HKDC1: variants seen among roughly 807,000 people sequenced by gnomAD.
HKDC1 encodes the protein hexokinase domain containing 1.
A neutral mutation model predicts 96.6 loss-of-function variants in HKDC1; 66 were observed. That is an observed-to-expected ratio of 0.68 (90% CI 0.56 to 0.84). The LOEUF is 0.84. HKDC1 is among the 40% of genes least tolerant of loss of function. HKDC1 has a pLI of 0.00. For missense variants in HKDC1, 1,211 were observed against 1,208.1 expected, an observed-to-expected ratio of 1.00 and a Z score of -0.04; for synonymous variants, 466 against 473.1, an observed-to-expected ratio of 0.98 and a Z score of 0.20.
intron 4 of HKDC1, among the ~76,000 whole-genome samples, chr10:69,237,277 TTGTGTG>T (rs71035080): frequency 0.012 from 1,741 of 145,674 alleles, 17 homozygotes; most frequent in African/African-American, 0.033. Flanking sequence ...AGAAATTTCT[TTGTGTG>T]TGTGTGTGTG....
rs764925231 is a variant in HKDC1, at chr10:69,248,710, G to A, written c.1552G>A (p.Gly518Arg). 1.9e-6 allele frequency: 3 copies of A among 1,609,750 alleles called. No homozygotes were observed. Among genetic ancestry groups the A allele is most frequent in the Non-Finnish European group, 1.7e-6 (2 of 1,177,194 alleles). Residue 518 changes from glycine (G) to arginine (R), a missense_variant, in exon 10 of 18, where the codon GGG becomes AGG. Transcript: ENST00000354624. ...CAGGATGCTGCCCACCTACGTCTGC[G>A]GGCTGCCGGACGGCACAGGTGGGCC... ...TVRMLPTYVC[G>R]LPDGTEKGKF... is the part of the protein sequence containing the mutation.
Position 69,229,518 on chromosome 10 carries a change from T to C in HKDC1, c.226+2149T>C, listed in dbSNP as rs115400561. Among the ~76,000 whole-genome samples, 1,280 of 152,264 alleles carry C rather than the reference T, an allele frequency of 8.4e-3. 20 individuals carry two copies. Among genetic ancestry groups the C allele is most frequent in the African/African-American group, 0.029 (1,186 of 41,550 alleles). On this transcript the variant is annotated intron_variant, in intron 2 of 17. Transcript: ENST00000354624. ...CCCCTGGGAGGAAGCAGCTGAGTCA[T>C]GTGGGGAGCACCAGGGCTAAGTCCG...
intron 1 of HKDC1, among the ~76,000 whole-genome samples, chr10:69,221,191 T>C (rs1843057921): frequency 1.3e-5 from 2 of 152,158 alleles, no homozygotes; most frequent in Admixed American, 1.3e-4. Context: ...TGTTCATGTA[T>C]TTGAAAGCAT....
At position 69,247,868 on chromosome 10, in the gene HKDC1, C is replaced by T. The variant is rs77116835; in HGVS notation, c.1265+275C>T. ...TATCTATGTCCACCCATCCATCACC[C>T]GCCCATTCATCTCTCCATTCATTCT... On this transcript the variant is annotated intron_variant, in intron 9 of 17. Transcript: ENST00000354624. Among the ~76,000 whole-genome samples the T allele has an allele frequency of 1.9e-3, 286 of 152,306 alleles. 1 individual carries two copies. The highest frequency in any genetic ancestry group is 6.7e-3 in the African/African-American group (278 of 41,572).
rs148777877 is a variant in HKDC1, at chr10:69,258,808, A to T, written c.2065A>T (p.Met689Leu). The change falls in exon 15 of 18, where the codon ATG (methionine) becomes TTG (leucine). Residue 689 changes from methionine to leucine, a missense_variant. Transcript: ENST00000354624. ...CAGCAACATGTGCTACATGGAGGAC[A>T]TGAGGAACATCGAGATGGTGGAGGG... ...TGSNMCYMED[M>L]RNIEMVEGGE... is the part of the protein sequence containing the mutation. 1.2e-6 allele frequency: 2 copies of T among 1,614,148 alleles called. No individual in the cohort carries two copies. The highest frequency in any genetic ancestry group is 1.7e-4 in the Middle Eastern group (1 of 6,060).
rs769960575 is a variant in HKDC1, at chr10:69,220,486, C to T, written c.51C>T (p.Asp17=). Reference sequence around the variant, plus strand: ...TTTACTTCAGCAAGCTGAAGGAGGACCAGATCAAGAAGGTAAGGAGGACCC... The same window carrying T: ...TTTACTTCAGCAAGCTGAAGGAGGATCAGATCAAGAAGGTAAGGAGGACCC... ...MAFYFSKLKE[D]QIKKVDRFLY... The change falls in exon 1 of 18, where the codon GAC becomes GAT. Residue 17 remains aspartate (D), a synonymous_variant. Transcript: ENST00000354624. The T allele has an allele frequency of 6.3e-7, 1 of 1,599,586 alleles. No individual in the cohort carries two copies. Among genetic ancestry groups the T allele is most frequent in the Non-Finnish European group, 8.5e-7 (1 of 1,173,606 alleles).
intron 4 of HKDC1, among the ~76,000 whole-genome samples, chr10:69,236,568 G>A (rs1021813415): frequency 1.1e-4 from 16 of 151,828 alleles, no homozygotes; most frequent in African/African-American, 3.9e-4. Context: ...ATCACCTGAG[G>A]TCGGGAGTTC....
chr10:69,248,709 C>A lies in HKDC1; in HGVS notation c.1551C>A (p.Cys517Ter), dbSNP rs372981911. 7.4e-5 allele frequency: 119 copies of A among 1,609,240 alleles called. No individual in the cohort carries two copies. Among genetic ancestry groups the A allele is most frequent in the Non-Finnish European group, 9.9e-5 (117 of 1,176,990 alleles). Reference protein sequence around the residue: ...ATVRMLPTYVCGLPDGTEKGK... With the variant: ...ATVRMLPTYV Reference sequence around the variant, plus strand: ...TCAGGATGCTGCCCACCTACGTCTGCGGGCTGCCGGACGGCACAGGTGGGC... The same window carrying A: ...TCAGGATGCTGCCCACCTACGTCTGAGGGCTGCCGGACGGCACAGGTGGGC... The change falls in exon 10 of 18, where the codon TGC (cysteine) becomes TGA (stop). Residue 517 changes from cysteine to a stop codon, truncating the protein, a stop_gained. Transcript: ENST00000354624. LOFTEE classifies it high-confidence loss of function.
intron 16 of HKDC1, 85 bp downstream of exon 16, chr10:69,261,379 A>C: frequency 7.3e-7 from 1 of 1,372,358 alleles, no homozygotes; most frequent in Non-Finnish European, 1.0e-6. Context: ...AGGTTTAAAA[A>C]TAAAAACAGA....
At chr10:69,238,063 A>G (rs1488995780) in intron 4 of HKDC1, among the ~76,000 whole-genome samples, 1 of 152,212 alleles carries the variant, frequency 6.6e-6, no homozygotes, top group Non-Finnish European at 1.5e-5. Flanking sequence ...CTCAGGAAAC[A>G]CCATTTGTAA....
At chr10:69,229,198 G>A (rs1294974624) in intron 2 of HKDC1, among the ~76,000 whole-genome samples, 1 of 152,202 alleles carries the variant, frequency 6.6e-6, no homozygotes, top group African/African-American at 2.4e-5. Context: ...GCAGGAGCAG[G>A]GTCTGAGGTT....
rs931275171 is a variant in HKDC1, at chr10:69,231,116, G to A, written c.227-1648G>A. Reference sequence around the variant, plus strand: ...AGGTGTTTGATAGTGATTGCGATGCGGGCCGGGAGTGGGATGCCTCCACAC... The same window carrying A: ...AGGTGTTTGATAGTGATTGCGATGCAGGCCGGGAGTGGGATGCCTCCACAC... On this transcript the variant is annotated intron_variant, in intron 2 of 17. Transcript: ENST00000354624. 3.9e-5 allele frequency among the ~76,000 whole-genome samples: 6 copies of A among 152,170 alleles called. No individual in the cohort carries two copies. In the South Asian group the frequency reaches 6.2e-4, roughly 16 times the overall value.
chr10:69,251,045 T>C (rs1027898376), intron 12 of HKDC1, among the ~76,000 whole-genome samples: 6 of 151,800 alleles, frequency 4.0e-5, no homozygotes, highest in African/African-American at 1.5e-4. Context: ...TTTTATCGTC[T>C]GATGAAAGAA....
intron 12 of HKDC1, among the ~76,000 whole-genome samples, chr10:69,253,271 C>T (rs1017566443): frequency 1.3e-5 from 2 of 152,088 alleles, no homozygotes; most frequent in Admixed American, 1.3e-4. Context: ...GAGGCTGGGC[C>T]TTTGCATGAG....
rs1406673287 is a variant in HKDC1, at chr10:69,227,198, C to T, written c.64-9C>T. 1 of 1,613,970 alleles carries T rather than the reference C, an allele frequency of 6.2e-7. No individual in the cohort carries two copies. Among genetic ancestry groups the T allele is most frequent in the South Asian group, 1.1e-5 (1 of 91,070 alleles). On this transcript the variant is annotated splice_polypyrimidine_tract_variant and intron_variant, in intron 1 of 17. Coordinates refer to ENST00000354624, the MANE Select transcript of HKDC1 (RefSeq NM_025130.4). ...AGCAGCACCCCTTGGTGGCCGGTGT[C>T]TGTTCCAGGTGGACAGGTTCCTGTA...
chr10:69,244,772 G>A (rs1474986771), intron 7 of HKDC1, among the ~76,000 whole-genome samples: 2 of 152,152 alleles, frequency 1.3e-5, no homozygotes, highest in Non-Finnish European at 2.9e-5. Flanking sequence ...GGTGCAGTAA[G>A]CTGTGATCAT....
chr10:69,243,499 CTTTT>C (rs5785905), intron 7 of HKDC1, 134 bp downstream of exon 7: 154 of 520,226 alleles, frequency 3.0e-4, no homozygotes, highest in Middle Eastern at 5.4e-4. Context: ...TTTCTTTTTC[CTTTT>C]TTTTTTTTTT....
chr10:69,243,252 G>C lies in HKDC1; in HGVS notation c.762G>C (p.Arg254Ser). ...ACCTGGTGGAGGGCGACGAGGGCAGGATGTGCATCAACACAGAGTGGGGGG... is the reference window on the plus strand; with the variant it reads ...ACCTGGTGGAGGGCGACGAGGGCAGCATGTGCATCAACACAGAGTGGGGGG... ...NIDLVEGDEGRMCINTEWGAF... is the reference protein window; with the variant it reads ...NIDLVEGDEGSMCINTEWGAF... Residue 254 changes from arginine (R) to serine (S), a missense_variant, in exon 7 of 18, where the codon AGG (arginine) becomes AGC (serine). Arg to Ser is a moderately radical substitution (Grantham distance 110, BLOSUM62 -1). Coordinates refer to ENST00000354624, the MANE Select transcript of HKDC1 (RefSeq NM_025130.4). 1 of 1,614,212 alleles carries C rather than the reference G, an allele frequency of 6.2e-7. No homozygotes were observed. The highest frequency in any genetic ancestry group is 1.1e-5 in the South Asian group (1 of 91,082).
intron 17 of HKDC1, 122 bp from the exon 18 acceptor site, chr10:69,266,488 G>A: frequency 2.2e-6 from 2 of 925,468 alleles, no homozygotes; most frequent in Non-Finnish European, 3.2e-6. Flanking sequence ...ATTAGAAGAA[G>A]CTGTTTAGAG....
Sources: gnomAD v4.1 joint callset for allele counts (sites outside exome capture counted in the v4.1 genomes callset) on GRCh38, gnomAD v4.1.1 for gene constraint, MANE v1.5 for transcripts, NCBI Gene and HGNC (gene_info 2026-07-23, HGNC 2026-07-21) for gene names.